The following COG6 variants were observed in gnomAD, a reference collection of about 807,000 sequenced individuals.
COG6 encodes conserved oligomeric Golgi complex subunit 6.
Under a neutral mutation model 88.8 loss-of-function variants are expected in COG6, and 74 were observed. That is an observed-to-expected ratio of 0.83 (90% CI 0.69 to 1.01). COG6 has a LOEUF of 1.01. COG6 is among the 50% of genes least tolerant of loss of function. The probability of loss-of-function intolerance (pLI) is 0.00; values close to 1 mark genes in which losing one functional copy is unlikely to be tolerated. For missense variants in COG6, 800 were observed against 797.9 expected (o/e 1.00, Z -0.03); for synonymous variants, 286 against 278.7 (o/e 1.03, Z -0.26).
chr13:39,746,862 T>G (rs1241450936), intron 18 of COG6, among the ~76,000 whole-genome samples: 1 of 152,220 alleles, frequency 6.6e-6, no homozygotes, highest in East Asian at 1.9e-4. Context: ...AAATAACTGA[T>G]ACGCTTTTAT....
In COG6 at chr13:39,750,850, T is replaced by C. The variant is rs1880582907; in HGVS notation, c.1827-96T>C. On this transcript the variant is annotated intron_variant, in intron 18 of 18. Coordinates refer to ENST00000455146, the MANE Select transcript of COG6 (RefSeq NM_020751.3). ...AGTGTATGTGTGATGATAATGAAAA[T>C]GAAATGTGTTGATTGAAGTGTCAAG... is the stretch of plus-strand genomic sequence containing the variant. 4 of 883,954 alleles carry C rather than the reference T, an allele frequency of 4.5e-6. No individual in the cohort carries two copies. The South Asian group carries it at 5.7e-5, about 13-fold the overall frequency. 54.8% of individuals were successfully genotyped at this position (883,954 alleles called of 1,614,324 possible).
At chr13:39,734,484 TA>T (rs1566032908) in intron 18 of COG6, among the ~76,000 whole-genome samples, 1 of 152,164 alleles carries the variant, frequency 6.6e-6, no homozygotes, top group African/African-American at 2.4e-5. Flanking sequence ...ATTTCATTTT[TA>T]AAAAAATTTT....
intron 13 of COG6, among the ~76,000 whole-genome samples, chr13:39,717,422 C>T (rs1347226800): frequency 1.3e-5 from 2 of 151,864 alleles, no homozygotes; most frequent in Non-Finnish European, 2.9e-5. Context: ...TTCTTTCCTT[C>T]TGGGCTTCCC....
intron 18 of COG6, among the ~76,000 whole-genome samples, chr13:39,731,554 G>A (rs2138102104): frequency 6.6e-6 from 1 of 152,278 alleles, no homozygotes; most frequent in Non-Finnish European, 1.5e-5. Flanking sequence ...TGCTTATTGA[G>A]TCACAGTTAC....
intron 12 of COG6, among the ~76,000 whole-genome samples, chr13:39,696,366 G>C (rs1194040933): frequency 1.3e-5 from 2 of 151,806 alleles, no homozygotes; most frequent in Non-Finnish European, 2.9e-5. Flanking sequence ...TGAAGAAAAA[G>C]CAGGAAAAAG....
At chr13:39,683,812 T>C (rs9315723) in intron 8 of COG6, among the ~76,000 whole-genome samples, 36,862 of 151,954 alleles carry the variant, frequency 0.24, 4,466 homozygotes, top group East Asian at 0.28. Context: ...ACTTCTGCCA[T>C]GCAAATAAAT....
Position 39,660,827 on chromosome 13 carries a change from C to T in COG6, c.315C>T (p.Ser105=), listed in dbSNP as rs767854952. 5.6e-6 allele frequency: 9 copies of T among 1,608,126 alleles called. No homozygotes were observed. Among genetic ancestry groups the T allele is most frequent in the East Asian group, 4.5e-5 (2 of 44,706 alleles). Residue 105 remains serine (S), a synonymous_variant, in exon 3 of 19, where the codon AGC becomes AGT. Transcript: ENST00000455146. ...CTTTTCAGGAACTTGAAAGCATAAG[C>T]GAAGATGTTCAAGCAATGAGCAACT... is the stretch of plus-strand genomic sequence containing the variant. ...KEVKEELESI[S]EDVQAMSNCC... is the part of the protein sequence containing the mutation.
chr13:39,779,089 C>T (rs182811388), intron 18 of COG6, among the ~76,000 whole-genome samples: 1 of 152,326 alleles, frequency 6.6e-6, no homozygotes, highest in Non-Finnish European at 1.5e-5. Context: ...TAAACTGTCA[C>T]ACTGCGTGAC....
At chr13:39,722,233 T>C (rs1007068599) in intron 15 of COG6, among the ~76,000 whole-genome samples, 1 of 152,034 alleles carries the variant, frequency 6.6e-6, no homozygotes, top group Non-Finnish European at 1.5e-5. Context: ...TGTTTACCTT[T>C]GCGCACTTTG....
In COG6 at chr13:39,751,366, A is replaced by G. The variant is rs1176127296; in HGVS notation, c.*273A>G. 2 of 1,411,300 alleles carry G rather than the reference A, an allele frequency of 1.4e-6. No homozygotes were observed. The highest frequency in any genetic ancestry group is 1.9e-6 in the Non-Finnish European group (2 of 1,071,444). 87.4% of individuals were successfully genotyped at this position (1,411,300 alleles called of 1,614,324 possible). The stretch of plus-strand genomic sequence containing the variant: ...CAGCTCTGCAGTTTTCACTGTATTC[A>G]GGAAGCATAAAGTAGTATGAAAGGT... On this transcript the variant is annotated 3_prime_UTR_variant, in exon 19 of 19. Transcript: ENST00000455146.
chr13:39,676,292 GA>G (rs1365630166), intron 4 of COG6, among the ~76,000 whole-genome samples: 1 of 151,208 alleles, frequency 6.6e-6, no homozygotes. Flanking sequence ...ATAACTACCA[GA>G]AAAAAAATAG....
intron 16 of COG6, among the ~76,000 whole-genome samples, chr13:39,723,907 G>A (rs1253363552): frequency 6.6e-6 from 1 of 151,902 alleles, no homozygotes; most frequent in Non-Finnish European, 1.5e-5. Flanking sequence ...CTTTGAGAAG[G>A]TAGTCACTTC....
intron 18 of COG6, among the ~76,000 whole-genome samples, chr13:39,785,951 C>A (rs1277862947): frequency 6.6e-6 from 1 of 152,066 alleles, no homozygotes; most frequent in Non-Finnish European, 1.5e-5. Context: ...GAACTCAATG[C>A]CCTGGGATAC....
Position 39,723,240 on chromosome 13 carries a change from T to C in COG6, c.1585-93T>C, listed in dbSNP as rs1878943382. On this transcript the variant is annotated intron_variant, in intron 15 of 18. Coordinates refer to ENST00000455146, the MANE Select transcript of COG6 (RefSeq NM_020751.3). ...GAGGCTTTGTTACAGAGGTGATCCC[T>C]GTGCCTCATCATCAGTGCCAATGCA... is the stretch of plus-strand genomic sequence containing the variant. 5.3e-6 allele frequency: 4 copies of C among 761,662 alleles called. No homozygotes were observed. In the East Asian group the frequency reaches 1.0e-4, roughly 20 times the overall value. The allele number at this position is 761,662 out of a possible 1,614,324, so 47.2% of individuals were successfully genotyped here.
At chr13:39,725,062 C>T (rs117839142) in intron 17 of COG6, among the ~76,000 whole-genome samples, 3,857 of 151,842 alleles carry the variant, frequency 0.025, 101 homozygotes, top group South Asian at 0.13. Flanking sequence ...TGCATGATCA[C>T]TACTTTTTGT....
At chr13:39,764,883 C>T (rs1881121304) in intron 18 of COG6, among the ~76,000 whole-genome samples, 1 of 152,026 alleles carries the variant, frequency 6.6e-6, no homozygotes, top group Non-Finnish European at 1.5e-5. Context: ...TTTTGTTAAT[C>T]TTGTTTAAAT....
At chr13:39,776,463 G>T (rs1881466584) in intron 18 of COG6, among the ~76,000 whole-genome samples, 1 of 152,150 alleles carries the variant, frequency 6.6e-6, no homozygotes, top group South Asian at 2.1e-4. Context: ...CTTCTCCATT[G>T]TTATTGTTAG....
chr13:39,662,371 C>T (rs1874958064), intron 3 of COG6, among the ~76,000 whole-genome samples: 1 of 152,076 alleles, frequency 6.6e-6, no homozygotes, highest in African/African-American at 2.4e-5. Flanking sequence ...AAGTGATTCA[C>T]CTACCTCGGC....
intron 18 of COG6, among the ~76,000 whole-genome samples, chr13:39,758,097 G>T (rs547437615): frequency 3.3e-5 from 5 of 151,852 alleles, no homozygotes; most frequent in African/African-American, 1.2e-4. Flanking sequence ...GCGGATGCCT[G>T]TAGTCCCAGC....
Sources: allele counts gnomAD v4.1 joint callset (sites outside exome capture counted in the v4.1 genomes callset), GRCh38; gene constraint gnomAD v4.1.1; transcripts MANE v1.5; gene names NCBI Gene and HGNC (gene_info 2026-07-23, HGNC 2026-07-21).